The following DMD variants were observed in gnomAD, a reference collection of about 807,000 sequenced individuals.
The protein encoded by DMD is dystrophin.
In DMD, 63 loss-of-function variants were observed where a neutral mutation model predicts 330.1. That is an observed-to-expected ratio of 0.19 (90% CI 0.16 to 0.24). The LOEUF is 0.24. DMD is among the 10% of genes least tolerant of loss of function. The probability of loss-of-function intolerance (pLI) is 1.00; values close to 1 mark genes in which losing one functional copy is unlikely to be tolerated. For synonymous variants in DMD, 1,223 were observed against 959.8 expected (o/e 1.27, Z -5.07); for missense variants, 3,344 against 2,684.1 (o/e 1.25, Z -5.43).
At chrX:32,738,513 A>C (rs1173917377) in intron 7 of DMD, among the ~76,000 whole-genome samples, 1 of 111,911 alleles carries the variant, frequency 8.9e-6, no homozygotes, top group Non-Finnish European at 1.9e-5. Context: ...AAGAAACTCC[A>C]GGTAAAGTAG....
At chrX:31,667,775 A>G (rs1029044538) in intron 53 of DMD, among the ~76,000 whole-genome samples, 3 of 111,232 alleles carry the variant, frequency 2.7e-5, no homozygotes, top group Non-Finnish European at 3.8e-5. Context: ...TATTTCCTGT[A>G]TCCCATAAAT....
chrX:32,287,777 A>ATG, intron 42 of DMD, 76 bp from the exon 43 acceptor site: 1 of 710,089 alleles, frequency 1.4e-6, no homozygotes, highest in South Asian at 3.4e-5. Context: ...ATATATATAT[A>ATG]CAAATCCCAA....
chrX:32,514,609 C>T (rs1051690585), intron 18 of DMD, among the ~76,000 whole-genome samples: 11 of 111,887 alleles, frequency 9.8e-5, no homozygotes, highest in African/African-American at 1.3e-4. Context: ...GGTGTGGTGG[C>T]GGGCGCCTGT....
Position 32,572,378 on chromosome X carries a change from A to G in DMD, c.1812+1152T>C, listed in dbSNP as rs1035563375. On this transcript the variant is annotated intron_variant, in intron 15 of 78. Transcript: ENST00000357033. ...AAGGTGAAATTATGGAACACTACTT[A>G]CAACCATTTTGTTTTATAAAAGTTC... Among the ~76,000 whole-genome samples, 4 of 111,682 alleles carry G rather than the reference A, an allele frequency of 3.6e-5. No homozygotes were observed. The East Asian group carries it at 1.1e-3, about 31-fold the overall frequency.
chrX:33,323,677 T>C (rs2054047382), intron 1 of DMD, among the ~76,000 whole-genome samples: 1 of 111,560 alleles, frequency 9.0e-6, no homozygotes, highest in African/African-American at 3.3e-5. Context: ...GGCAAATATA[T>C]GAAATATTTT....
At chrX:31,599,452 A>G (rs1356735552) in intron 55 of DMD, among the ~76,000 whole-genome samples, 3 of 112,418 alleles carry the variant, frequency 2.7e-5, no homozygotes, top group Non-Finnish European at 3.8e-5. Flanking sequence ...ATATTTTTGA[A>G]GGAGTGAACA....
At chrX:32,912,517 C>T (rs764203493) in intron 2 of DMD, among the ~76,000 whole-genome samples, 11 of 111,452 alleles carry the variant, frequency 9.9e-5, no homozygotes, top group Admixed American at 5.7e-4. Context: ...AAACTGGAAA[C>T]GACCCTAGTA....
chrX:32,450,875 G>A (rs970212950), intron 26 of DMD, among the ~76,000 whole-genome samples: 10 of 110,739 alleles, frequency 9.0e-5, no homozygotes, highest in African/African-American at 2.9e-4. Flanking sequence ...TTTAATAAGA[G>A]GCTCAGATCT....
intron 60 of DMD, among the ~76,000 whole-genome samples, chrX:31,370,018 G>A (rs1440876170): frequency 9.5e-6 from 1 of 104,850 alleles, no homozygotes; most frequent in African/African-American, 3.5e-5. Flanking sequence ...AGAATGGCGT[G>A]AACCCGGGAG....
chrX:32,924,111 C>G (rs1410494056), intron 2 of DMD, among the ~76,000 whole-genome samples: 1 of 111,680 alleles, frequency 9.0e-6, no homozygotes, highest in Non-Finnish European at 1.9e-5. Context: ...ACAAAAGATT[C>G]TATTGATATT....
chrX:31,632,119 C>T (rs2079162254), intron 54 of DMD, among the ~76,000 whole-genome samples: 1 of 111,283 alleles, frequency 9.0e-6, no homozygotes, highest in Non-Finnish European at 1.9e-5. Context: ...CATTAGAACC[C>T]TACTCCCGCC....
intron 18 of DMD, among the ~76,000 whole-genome samples, chrX:32,511,719 T>C (rs780020123): frequency 1.7e-4 from 19 of 110,360 alleles, no homozygotes; most frequent in Admixed American, 4.9e-4. Context: ...ATCCAGCTTT[T>C]CTGTATGTGT....
chrX:31,278,544 A>G (rs1171902342), intron 62 of DMD, among the ~76,000 whole-genome samples: 1 of 111,858 alleles, frequency 8.9e-6, no homozygotes, highest in Non-Finnish European at 1.9e-5. Flanking sequence ...GGAATCACTC[A>G]GCCTTTTTGT....
At chrX:32,893,973 AGT>A (rs1273519695) in intron 2 of DMD, among the ~76,000 whole-genome samples, 1 of 110,783 alleles carries the variant, frequency 9.0e-6, no homozygotes, top group Non-Finnish European at 1.9e-5. Flanking sequence ...GTGCCATTCC[AGT>A]GTGTGCCTCT....
At chrX:31,683,806 T>C (rs1484769960) in intron 52 of DMD, among the ~76,000 whole-genome samples, 1 of 112,486 alleles carries the variant, frequency 8.9e-6, no homozygotes, top group Non-Finnish European at 1.9e-5. Flanking sequence ...TCAAATCTCA[T>C]AGATGTCACA....
At chrX:32,289,699 G>A (rs904695405) in intron 42 of DMD, among the ~76,000 whole-genome samples, 2 of 111,545 alleles carry the variant, frequency 1.8e-5, no homozygotes, top group African/African-American at 6.5e-5. Context: ...CAGGCTAAAA[G>A]ACACTCCTAG....
intron 21 of DMD, among the ~76,000 whole-genome samples, chrX:32,482,520 G>T (rs1219324715): frequency 8.9e-6 from 1 of 111,780 alleles, no homozygotes; most frequent in Non-Finnish European, 1.9e-5. Flanking sequence ...TGCCTTGTAT[G>T]GATGTGCCCA....
intron 52 of DMD, among the ~76,000 whole-genome samples, chrX:31,702,344 A>T (rs187081386): frequency 2.2e-4 from 25 of 112,086 alleles, no homozygotes; most frequent in East Asian, 5.6e-4. Context: ...CATAGAGCCA[A>T]ACGCCTACTA....
chrX:31,215,524 G>A (rs1052055167), intron 64 of DMD, among the ~76,000 whole-genome samples: 1 of 111,444 alleles, frequency 9.0e-6, no homozygotes, highest in Non-Finnish European at 1.9e-5. Context: ...AATGTCTTTT[G>A]GTTCTTCTTT....
Sources: gnomAD v4.1 joint callset for allele counts (sites outside exome capture counted in the v4.1 genomes callset) on GRCh38, gnomAD v4.1.1 for gene constraint, MANE v1.5 for transcripts, NCBI Gene and HGNC (gene_info 2026-07-23, HGNC 2026-07-21) for gene names.